Variants in PKD2 observed in about 807,000 individuals in gnomAD.
The protein encoded by PKD2 is polycystin 2, transient receptor potential cation channel.
In PKD2, 48 loss-of-function variants were observed where a neutral mutation model predicts 105.9. That is an observed-to-expected ratio of 0.45 (90% CI 0.36 to 0.58). The LOEUF is 0.58. Among genes scored for constraint, PKD2 ranks in the 20% least tolerant of loss-of-function variants. PKD2 has a pLI of 0.00. For synonymous variants in PKD2, 464 were observed against 481.1 expected, an observed-to-expected ratio of 0.96 and a Z score of 0.46; for missense variants, 1,078 against 1,255.3, an observed-to-expected ratio of 0.86 and a Z score of 2.13.
intron 1 of PKD2, among the ~76,000 whole-genome samples, chr4:88,013,873 C>T (rs1726470164): frequency 6.6e-6 from 1 of 152,178 alleles, no homozygotes; most frequent in Non-Finnish European, 1.5e-5. Context: ...GTAACTCCCA[C>T]CATGGAATGG....
At chr4:88,067,533 A>T (rs1357544483) in intron 12 of PKD2, among the ~76,000 whole-genome samples, 1 of 151,860 alleles carries the variant, frequency 6.6e-6, no homozygotes, top group East Asian at 1.9e-4. Context: ...GCAGAGTCTC[A>T]CCTTGCTGCC....
At position 88,008,091 on chromosome 4, in the gene PKD2, C is replaced by T. The variant is rs1313638973; in HGVS notation, c.358C>T (p.Pro120Ser). The change falls in exon 1 of 15, where the codon CCG becomes TCG. Residue 120 changes from proline to serine, a missense_variant. By Grantham distance (74) the Pro-to-Ser change is moderately conservative. Around this residue, in one of 2 missense-constraint regions of PKD2, gnomAD observed 210 missense variants for 187.9 expected, o/e 1.12. Coordinates refer to ENST00000237596, the MANE Select transcript of PKD2 (RefSeq NM_000297.4). ...GGTGGAGATGGACGTAGAGTGGCGC[C>T]CGGGCAGCCGGAGGTCGGCCGCCTC... ...MVVEMDVEWRPGSRRSAASSA... is the reference protein window; with the variant it reads ...MVVEMDVEWRSGSRRSAASSA... The T allele has an allele frequency of 2.0e-6, 3 of 1,517,848 alleles. No homozygotes were observed. The highest frequency in any genetic ancestry group is 1.2e-5 in the South Asian group (1 of 82,056). 94.0% of individuals were successfully genotyped at this position (1,517,848 alleles called of 1,614,324 possible).
At chr4:88,042,822 A>G (rs902083579) in intron 4 of PKD2, among the ~76,000 whole-genome samples, 3 of 152,192 alleles carry the variant, frequency 2.0e-5, no homozygotes, top group Admixed American at 1.3e-4. Context: ...AATGCTGACA[A>G]TGCCACTTGA....
At chr4:88,047,917 CTA>C (rs947184916) in intron 6 of PKD2, among the ~76,000 whole-genome samples, 1 of 152,146 alleles carries the variant, frequency 6.6e-6, no homozygotes, top group Non-Finnish European at 1.5e-5. Context: ...GCTCTTGACT[CTA>C]TTATAACTTC....
At chr4:88,066,310 A>G (rs1720793014) in intron 12 of PKD2, among the ~76,000 whole-genome samples, 1 of 151,922 alleles carries the variant, frequency 6.6e-6, no homozygotes, top group African/African-American at 2.4e-5. Flanking sequence ...TTACCAAGAG[A>G]TGTGAAATTA....
intron 13 of PKD2, among the ~76,000 whole-genome samples, chr4:88,069,805 ATC>A (rs1231514168): frequency 6.6e-6 from 1 of 152,092 alleles, no homozygotes; most frequent in Non-Finnish European, 1.5e-5. Flanking sequence ...TCAAGTTATC[ATC>A]TGTCGTCATT....
chr4:88,075,140 CTCTT>C (rs1721186612), intron 14 of PKD2, among the ~76,000 whole-genome samples, 181 bp downstream of exon 14: 1 of 152,186 alleles, frequency 6.6e-6, no homozygotes, highest in South Asian at 2.1e-4. Flanking sequence ...AACAGAAACA[CTCTT>C]TCTATAAAAT....
At chr4:88,065,593 C>CTTTTT in intron 11 of PKD2, 98 bp downstream of exon 11, 1 of 1,072,402 alleles carries the variant, frequency 9.3e-7, no homozygotes, top group South Asian at 1.4e-5. Flanking sequence ...CATACAGATA[C>CTTTTT]TTTTTTTTTT....
In PKD2 at chr4:88,008,275, A is replaced by G; in HGVS notation, c.542A>G (p.Glu181Gly). 1.4e-6 allele frequency: 2 copies of G among 1,475,376 alleles called. No individual in the cohort carries two copies. The highest frequency in any genetic ancestry group is 1.8e-6 in the Non-Finnish European group (2 of 1,118,468). The allele number at this position is 1,475,376 out of a possible 1,614,324, so 91.4% of individuals were successfully genotyped here. Residue 181 changes from glutamate (E) to glycine (G), a missense_variant, in exon 1 of 15, where the codon GAA becomes GGA. This residue lies in a region of PKD2 where 868 missense variants were observed against 1,067.3 expected (regional missense o/e 0.81). Coordinates refer to ENST00000237596, the MANE Select transcript of PKD2 (RefSeq NM_000297.4). ...GDPLHRHLPL[E>G]GQPPRVAWAE... ...CCGCTGCATCGCCACCTCCCCCTGGAAGGGCAGCCGCCCCGAGTGGCCTGG... is the reference window on the plus strand; with the variant it reads ...CCGCTGCATCGCCACCTCCCCCTGGGAGGGCAGCCGCCCCGAGTGGCCTGG...
At chr4:88,061,626 T>C (rs891591946) in intron 9 of PKD2, among the ~76,000 whole-genome samples, 7 of 151,888 alleles carry the variant, frequency 4.6e-5, no homozygotes, top group Non-Finnish European at 1.0e-4. Context: ...TAATCCCAGC[T>C]ACTCAGGAGG....
Position 88,036,296 on chromosome 4 carries a change from G to C in PKD2, c.786G>C (p.Val262=), listed in dbSNP as rs1473157147. 3 of 1,613,920 alleles carry C rather than the reference G, an allele frequency of 1.9e-6. No homozygotes were observed. In the East Asian group the frequency reaches 6.7e-5, roughly 36 times the overall value. ...MMSQLFLDTP[V]SKTEKTNFKT... ...CACAGCTCTTCCTAGACACCCCCGT[G>C]TCCAAAACGGAGAAAACTAACTTTA... The change falls in exon 3 of 15, where the codon GTG becomes GTC. Residue 262 remains valine, a synonymous_variant. Transcript: ENST00000237596.
At chr4:88,031,081 C>G (rs1057472703) in intron 2 of PKD2, among the ~76,000 whole-genome samples, 2 of 152,094 alleles carry the variant, frequency 1.3e-5, no homozygotes, top group Non-Finnish European at 2.9e-5. Flanking sequence ...TGGTCTTTTT[C>G]CAGGCTACCA....
At chr4:88,074,581 A>G (rs1450821615) in intron 13 of PKD2, among the ~76,000 whole-genome samples, 3 of 152,234 alleles carry the variant, frequency 2.0e-5, no homozygotes, top group Non-Finnish European at 4.4e-5. Context: ...AGGGTTAGGC[A>G]TACATTCTTA....
At chr4:88,029,114 C>T (rs1449513352) in intron 2 of PKD2, among the ~76,000 whole-genome samples, 5 of 152,130 alleles carry the variant, frequency 3.3e-5, no homozygotes, top group South Asian at 2.1e-4. Context: ...ACCAAGGTCA[C>T]GGGGGATGGC....
Position 88,065,467 on chromosome 4 carries a change from T to C in PKD2, c.2212T>C (p.Phe738Leu). ...SLRQGGGKLN[F>L]DELRQDLKGK... Reference sequence around the variant, plus strand: ...GCGGCAAGGAGGAGGCAAGTTAAACTTTGACGAACTTCGACAAGATCTCAA... The same window carrying C: ...GCGGCAAGGAGGAGGCAAGTTAAACCTTGACGAACTTCGACAAGATCTCAA... Residue 738 changes from phenylalanine (F) to leucine (L), a missense_variant, in exon 11 of 15, where the codon TTT (phenylalanine) becomes CTT (leucine). Transcript: ENST00000237596. 1 of 1,613,770 alleles carries C rather than the reference T, an allele frequency of 6.2e-7. No homozygotes were observed. Among genetic ancestry groups the C allele is most frequent in the South Asian group, 1.1e-5 (1 of 91,078 alleles).
At chr4:88,037,335 C>G (rs1337087488) in intron 3 of PKD2, among the ~76,000 whole-genome samples, 2 of 152,110 alleles carry the variant, frequency 1.3e-5, no homozygotes, top group Non-Finnish European at 2.9e-5. Flanking sequence ...GTCACAAATT[C>G]CAACGTAGTT....
chr4:88,070,629 A>AAGAG (rs1254772673), intron 13 of PKD2, among the ~76,000 whole-genome samples: 1 of 87,534 alleles, frequency 1.1e-5, no homozygotes, highest in Admixed American at 1.2e-4. Flanking sequence ...GAGAGAGAGA[A>AAGAG]AGAGAGAGAG....
At chr4:88,010,193 C>T (rs1726338685) in intron 1 of PKD2, among the ~76,000 whole-genome samples, 1 of 151,944 alleles carries the variant, frequency 6.6e-6, no homozygotes, top group African/African-American at 2.4e-5. Context: ...CTCCTGGGCT[C>T]AAGCTGCCCT....
At chr4:88,069,564 C>T (rs145179124) in intron 13 of PKD2, among the ~76,000 whole-genome samples, 2,952 of 151,596 alleles carry the variant, frequency 0.019, 32 homozygotes, top group Non-Finnish European at 0.034. Flanking sequence ...TTTCCTCTTC[C>T]CTCTTTTTGT....
Sources: allele counts gnomAD v4.1 joint callset (sites outside exome capture counted in the v4.1 genomes callset), GRCh38; gene constraint gnomAD v4.1.1; regional missense constraint gnomAD v4.1.1; transcripts MANE v1.5; gene names NCBI Gene and HGNC (gene_info 2026-07-23, HGNC 2026-07-21).